Variants in SFMBT1 observed in about 807,000 individuals in gnomAD.
SFMBT1 encodes scm-like with four MBT domains protein 1.
A neutral mutation model predicts 108.7 loss-of-function variants in SFMBT1; 32 were observed. The observed-to-expected ratio is 0.29, with a 90% CI of 0.22 to 0.40. The LOEUF is 0.40. Among genes scored for constraint, SFMBT1 ranks in the 10% least tolerant of loss-of-function variants. The pLI is 1.00. For synonymous variants in SFMBT1, 348 were observed against 369.5 expected (o/e 0.94, Z 0.67); for missense variants, 816 against 1,059.6 (o/e 0.77, Z 3.19).
intron 4 of SFMBT1, among the ~76,000 whole-genome samples, chr3:52,939,895 T>C (rs1385853002): frequency 6.6e-6 from 1 of 152,120 alleles, no homozygotes; most frequent in African/African-American, 2.4e-5. Context: ...TCTTTTCAAA[T>C]CTTCCCTTTT....
intron 1 of SFMBT1, among the ~76,000 whole-genome samples, chr3:52,986,409 A>G (rs1286959982): frequency 6.6e-6 from 1 of 152,162 alleles, no homozygotes; most frequent in Admixed American, 6.5e-5. Context: ...TTGATTTTTA[A>G]AATTTTTTTG....
chr3:52,910,782 C>A (rs1178358959), intron 17 of SFMBT1, among the ~76,000 whole-genome samples: 3 of 152,228 alleles, frequency 2.0e-5, no homozygotes, highest in Non-Finnish European at 2.9e-5. Flanking sequence ...AGCCACCACA[C>A]CCGGCCAAAA....
intron 1 of SFMBT1, among the ~76,000 whole-genome samples, chr3:53,033,343 T>C (rs1699752632): frequency 6.6e-6 from 1 of 151,982 alleles, no homozygotes; most frequent in African/African-American, 2.4e-5. Flanking sequence ...GTATTTTTAG[T>C]AGAGACGGGG....
chr3:53,034,735 G>A (rs572858453), intron 1 of SFMBT1, among the ~76,000 whole-genome samples: 5 of 152,136 alleles, frequency 3.3e-5, no homozygotes, highest in African/African-American at 1.2e-4. Flanking sequence ...TCACGAGTTC[G>A]AGACCAGCTT....
At position 53,039,366 on chromosome 3, in the gene SFMBT1, GGA is replaced by G. The variant is rs1699962289; in HGVS notation, c.-131+6448_-131+6449del. On this transcript the variant is annotated intron_variant, in intron 1 of 20. Transcript: ENST00000394752. Reference sequence around the variant, plus strand: ...TAAGTGAATTAAGGCAATCACAAAAGGATAAATACTGTATGATTCCACTTAGA... The same window carrying G: ...TAAGTGAATTAAGGCAATCACAAAAGTAAATACTGTATGATTCCACTTAGA... 3.7e-5 allele frequency among the ~76,000 whole-genome samples: 5 copies of G among 136,198 alleles called. No individual in the cohort carries two copies. The East Asian group carries it at 1.3e-3, about 36-fold the overall frequency. 89.4% of individuals were successfully genotyped at this position (136,198 alleles called of 152,430 possible).
intron 2 of SFMBT1, among the ~76,000 whole-genome samples, chr3:52,955,152 C>T (rs547512504): frequency 6.6e-6 from 1 of 152,146 alleles, no homozygotes; most frequent in African/African-American, 2.4e-5. Flanking sequence ...TAATAAAATA[C>T]CTGTAATCCC....
chr3:52,935,486 T>C (rs1702978693), intron 4 of SFMBT1, among the ~76,000 whole-genome samples: 1 of 152,192 alleles, frequency 6.6e-6, no homozygotes, highest in South Asian at 2.1e-4. Flanking sequence ...TATCTTGCCC[T>C]TTACAGATAA....
intron 20 of SFMBT1, 108 bp downstream of exon 20, chr3:52,906,005 T>G: frequency 4.6e-6 from 6 of 1,305,364 alleles, no homozygotes; most frequent in Non-Finnish European, 6.4e-6. Flanking sequence ...ATTCTTGTCT[T>G]TTGGATCAAA....
intron 1 of SFMBT1, among the ~76,000 whole-genome samples, chr3:53,033,769 C>CAAAA (rs538122738): frequency 9.3e-6 from 1 of 107,438 alleles, no homozygotes. Flanking sequence ...CCAAAAAAGA[C>CAAAA]AAAAAAAAAA....
At chr3:52,949,719 A>T (rs905064643) in intron 3 of SFMBT1, among the ~76,000 whole-genome samples, 1 of 151,544 alleles carries the variant, frequency 6.6e-6, no homozygotes, top group Admixed American at 6.6e-5. Flanking sequence ...AGCTGGGATT[A>T]CAGGCATGCA....
At chr3:52,926,995 C>G (rs1172306634) in intron 9 of SFMBT1, among the ~76,000 whole-genome samples, 1 of 152,160 alleles carries the variant, frequency 6.6e-6, no homozygotes, top group African/African-American at 2.4e-5. Context: ...TACTACCTTC[C>G]CTCTATTTAC....
chr3:53,020,537 A>G (rs1226077689), intron 1 of SFMBT1, among the ~76,000 whole-genome samples: 1 of 152,238 alleles, frequency 6.6e-6, no homozygotes, highest in African/African-American at 2.4e-5. Flanking sequence ...ACTAGATTTT[A>G]CTTATTTCCT....
rs1342340477 is a variant in SFMBT1, at chr3:52,905,253, C to T, written c.2484G>A (p.Leu828=). 5.0e-6 allele frequency: 8 copies of T among 1,612,890 alleles called. No homozygotes were observed. Among genetic ancestry groups the T allele is most frequent in the Non-Finnish European group, 6.8e-6 (8 of 1,179,564 alleles). The change falls in exon 21 of 21, where the codon TTG becomes TTA. Residue 828 remains leucine, a synonymous_variant. Transcript: ENST00000394752. ...CTTGAACAGTGGGAAGGGTAAGGAG[C>T]AACAGGGCCTGCCCATCAATTTCCT... The part of the protein sequence containing the change: ...LDQEIDGQAL[L]LLTLPTVQEC...
At chr3:53,017,506 T>C (rs1252490400) in intron 1 of SFMBT1, among the ~76,000 whole-genome samples, 1 of 152,162 alleles carries the variant, frequency 6.6e-6, no homozygotes, top group Non-Finnish European at 1.5e-5. Flanking sequence ...GCTAATCAGA[T>C]CAGAAGTGTA....
chr3:52,906,108 A>G lies in SFMBT1; in HGVS notation c.2460+5T>C, dbSNP rs376223101. 1.2e-6 allele frequency: 2 copies of G among 1,613,880 alleles called. No homozygotes were observed. The highest frequency in any genetic ancestry group is 1.7e-6 in the Non-Finnish European group (2 of 1,179,876). On this transcript the variant is annotated splice_donor_5th_base_variant and intron_variant, in intron 20 of 20. Transcript: ENST00000394752. ...TTACTAAAAATTATAGGTATCTGTG[A>G]TTACCTGGTCTAGGAATATTCTTGC... is the stretch of plus-strand genomic sequence containing the variant.
chr3:53,021,148 A>G (rs907655590), intron 1 of SFMBT1, among the ~76,000 whole-genome samples: 35 of 152,370 alleles, frequency 2.3e-4, no homozygotes, highest in African/African-American at 7.9e-4. Flanking sequence ...CGTAAAGGAC[A>G]TCTCTAACAA....
intron 1 of SFMBT1, among the ~76,000 whole-genome samples, chr3:52,971,309 AC>A (rs1431576502): frequency 6.6e-6 from 1 of 152,206 alleles, no homozygotes; most frequent in Non-Finnish European, 1.5e-5. Context: ...AGCGTAGAAA[AC>A]GTTTTGATAA....
At chr3:52,993,733 G>A (rs1190469741) in intron 1 of SFMBT1, among the ~76,000 whole-genome samples, 2 of 149,752 alleles carry the variant, frequency 1.3e-5, no homozygotes, top group African/African-American at 4.9e-5. Context: ...AGATACAAAA[G>A]AAAAAAATAA....
chr3:53,026,992 AG>A (rs1699515301), intron 1 of SFMBT1, among the ~76,000 whole-genome samples: 1 of 152,152 alleles, frequency 6.6e-6, no homozygotes. Context: ...TAGGTTGCCC[AG>A]GCTGGTCTCA....
Sources: gnomAD v4.1 joint callset for allele counts (sites outside exome capture counted in the v4.1 genomes callset) on GRCh38, gnomAD v4.1.1 for gene constraint, MANE v1.5 for transcripts, NCBI Gene and HGNC (gene_info 2026-07-23, HGNC 2026-07-21) for gene names.